LUZP2: variants seen among roughly 807,000 people sequenced by gnomAD.
LUZP2 encodes leucine zipper protein 2.
A neutral mutation model predicts 51.6 loss-of-function variants in LUZP2; 52 were observed. That is an observed-to-expected ratio of 1.01 (90% CI 0.81 to 1.27). The LOEUF (loss-of-function observed/expected upper bound fraction) is 1.27, where lower values mean the gene tolerates loss of function less well. Among genes scored for constraint, LUZP2 ranks in the 50% most tolerant of loss-of-function variants. The probability of loss-of-function intolerance (pLI) is 0.00; values close to 1 mark genes in which losing one functional copy is unlikely to be tolerated. For missense variants in LUZP2, 436 were observed against 395.4 expected, an observed-to-expected ratio of 1.10 and a Z score of -0.87; for synonymous variants, 154 against 137.3, an observed-to-expected ratio of 1.12 and a Z score of -0.85.
At chr11:24,693,672 G>A (rs1471947013) in intron 1 of LUZP2, among the ~76,000 whole-genome samples, 2 of 151,846 alleles carry the variant, frequency 1.3e-5, no homozygotes, top group African/African-American at 4.8e-5. Flanking sequence ...TTTCTGTACT[G>A]CATAGAAGCA....
intron 7 of LUZP2, among the ~76,000 whole-genome samples, chr11:24,967,573 AC>A (rs926333380): frequency 6.6e-6 from 1 of 151,336 alleles, no homozygotes; most frequent in African/African-American, 2.4e-5. Flanking sequence ...GTTTCTTCAA[AC>A]TTTTTTTCTC....
intron 1 of LUZP2, among the ~76,000 whole-genome samples, chr11:24,642,969 G>T (rs533658999): frequency 6.6e-6 from 1 of 152,064 alleles, no homozygotes; most frequent in Non-Finnish European, 1.5e-5. Flanking sequence ...TAAAGAGAGA[G>T]CCTCTTTGAG....
At chr11:24,668,207 C>T (rs916538967) in intron 1 of LUZP2, among the ~76,000 whole-genome samples, 9 of 152,172 alleles carry the variant, frequency 5.9e-5, no homozygotes, top group Non-Finnish European at 8.8e-5. Context: ...TCTGGTTTCA[C>T]ATGCTGGTAC....
At chr11:24,974,427 A>G (rs534946520) in intron 7 of LUZP2, among the ~76,000 whole-genome samples, 32 of 152,020 alleles carry the variant, frequency 2.1e-4, no homozygotes, top group Non-Finnish European at 4.1e-4. Context: ...CATTTAGCCC[A>G]TTTACATTTA....
At chr11:24,808,495 A>G (rs1299548757) in intron 5 of LUZP2, among the ~76,000 whole-genome samples, 1 of 152,200 alleles carries the variant, frequency 6.6e-6, no homozygotes, top group Non-Finnish European at 1.5e-5. Context: ...CAGTTTTTCC[A>G]ACTTTATATT....
chr11:24,577,814 C>T (rs1852705821), intron 1 of LUZP2, among the ~76,000 whole-genome samples: 1 of 152,060 alleles, frequency 6.6e-6, no homozygotes, highest in Admixed American at 6.6e-5. Flanking sequence ...TATTTTAATT[C>T]ATGGTCATGC....
At chr11:25,006,207 C>G (rs967343125) in intron 9 of LUZP2, among the ~76,000 whole-genome samples, 1 of 152,190 alleles carries the variant, frequency 6.6e-6, no homozygotes, top group Admixed American at 6.5e-5. Context: ...ATCATTCTTA[C>G]AGGAGAAAAG....
Position 24,602,170 on chromosome 11 carries a change from ATATATATGTG to A in LUZP2, c.62+104875_62+104884del, listed in dbSNP as rs1420691255. 3.8e-5 allele frequency among the ~76,000 whole-genome samples: 5 copies of A among 132,106 alleles called. 1 individual carries two copies. Among genetic ancestry groups the A allele is most frequent in the East Asian group, 2.2e-4 (1 of 4,636 alleles). The allele number at this position is 132,106 out of a possible 152,430, so 86.7% of individuals were successfully genotyped here. ...TATATGTATATATGTATATATGTGTATATATATGTGTATATATGTATATATGTACATATAT... is the reference window on the plus strand; with the variant it reads ...TATATGTATATATGTATATATGTGTATATATATGTATATATGTACATATAT... On this transcript the variant is annotated intron_variant, in intron 1 of 11. Transcript: ENST00000336930.
intron 5 of LUZP2, among the ~76,000 whole-genome samples, chr11:24,899,026 T>C (rs1432859440): frequency 6.6e-6 from 1 of 152,188 alleles, no homozygotes; most frequent in African/African-American, 2.4e-5. Flanking sequence ...CATACGCATA[T>C]TGGCAATTTT....
intron 9 of LUZP2, among the ~76,000 whole-genome samples, chr11:25,021,818 G>A (rs1171919447): frequency 1.3e-5 from 2 of 151,938 alleles, no homozygotes; most frequent in East Asian, 1.9e-4. Context: ...AAAGAAGAAT[G>A]GTGGAATTGG....
At chr11:24,653,746 A>G (rs1855713211) in intron 1 of LUZP2, among the ~76,000 whole-genome samples, 1 of 152,200 alleles carries the variant, frequency 6.6e-6, no homozygotes, top group Admixed American at 6.5e-5. Flanking sequence ...TGAGACAGAA[A>G]GAGGCACAAA....
At chr11:24,738,955 A>G (rs976979230) in intron 4 of LUZP2, among the ~76,000 whole-genome samples, 6 of 152,112 alleles carry the variant, frequency 3.9e-5, no homozygotes, top group South Asian at 2.1e-4. Context: ...CGCACCATGT[A>G]TAGGGATTGG....
At chr11:24,657,038 TAA>T (rs1214395182) in intron 1 of LUZP2, among the ~76,000 whole-genome samples, 2 of 152,188 alleles carry the variant, frequency 1.3e-5, no homozygotes, top group South Asian at 2.1e-4. Flanking sequence ...ATTCTGATAA[TAA>T]AAGTCTTTGC....
At chr11:24,662,176 TAAAC>T (rs1158817518) in intron 1 of LUZP2, among the ~76,000 whole-genome samples, 3 of 152,026 alleles carry the variant, frequency 2.0e-5, no homozygotes, top group Admixed American at 2.0e-4. Context: ...TATAAATACT[TAAAC>T]AAGGAGTTAG....
chr11:24,635,954 T>G (rs1855089703), intron 1 of LUZP2, among the ~76,000 whole-genome samples: 1 of 152,150 alleles, frequency 6.6e-6, no homozygotes, highest in African/African-American at 2.4e-5. Flanking sequence ...TGCAGAGACA[T>G]GCTATCCTTA....
At chr11:24,517,510 A>AAAAAAAAAAC (rs1564964373) in intron 1 of LUZP2, among the ~76,000 whole-genome samples, 8 of 146,700 alleles carry the variant, frequency 5.5e-5, no homozygotes, top group Admixed American at 1.4e-4. Flanking sequence ...AAAAAAAAAA[A>AAAAAAAAAAC]AAATTGTAGG....
intron 1 of LUZP2, among the ~76,000 whole-genome samples, chr11:24,574,227 TC>T (rs1565000464): frequency 4.7e-4 from 50 of 105,816 alleles, no homozygotes; most frequent in Non-Finnish European, 6.5e-4. Flanking sequence ...TTTCTTTCTT[TC>T]TTTCTTTCTT....
rs374382349 is a variant in LUZP2 at position 24,993,380 on chromosome 11, T to C, written c.765+10087T>C. Among the ~76,000 whole-genome samples the C allele has an allele frequency of 3.9e-4, 60 of 152,278 alleles. No homozygotes were observed. The South Asian group carries it at 0.012, about 30-fold the overall frequency. Reference sequence around the variant, plus strand: ...AATACCAAAACTCTATCAATGTCATTATTTGGGTTATTTACATCTTTCCTC... The same window carrying C: ...AATACCAAAACTCTATCAATGTCATCATTTGGGTTATTTACATCTTTCCTC... On this transcript the variant is annotated intron_variant, in intron 9 of 11. Transcript: ENST00000336930.
chr11:25,065,494 G>T (rs1858972287), intron 10 of LUZP2, among the ~76,000 whole-genome samples: 1 of 151,900 alleles, frequency 6.6e-6, no homozygotes, highest in Admixed American at 6.6e-5. Flanking sequence ...CGAAAATTGA[G>T]ATTGAGGAAA....
Sources: allele counts gnomAD v4.1 joint callset (sites outside exome capture counted in the v4.1 genomes callset), GRCh38; gene constraint gnomAD v4.1.1; transcripts MANE v1.5; gene names NCBI Gene and HGNC (gene_info 2026-07-23, HGNC 2026-07-21).